The following STEAP1B variants were observed in gnomAD, a reference collection of about 807,000 sequenced individuals.
STEAP1B encodes the protein STEAP family member 1B.
STEAP1B carries 13 observed loss-of-function variants against 27.9 expected under a neutral mutation model. That is an observed-to-expected ratio of 0.47 (90% CI 0.30 to 0.74). STEAP1B has a LOEUF of 0.74. STEAP1B is among the 30% of genes least tolerant of loss of function. The probability of loss-of-function intolerance (pLI) is 0.06; values close to 1 mark genes in which losing one functional copy is unlikely to be tolerated. For synonymous variants in STEAP1B, 86 were observed against 107.1 expected, an observed-to-expected ratio of 0.80 and a Z score of 1.22; for missense variants, 250 against 298.7, an observed-to-expected ratio of 0.84 and a Z score of 1.20.
At chr7:22,437,128 T>G (rs568299131) in intron 4 of STEAP1B, among the ~76,000 whole-genome samples, 1 of 152,244 alleles carries the variant, frequency 6.6e-6, no homozygotes, top group Admixed American at 6.5e-5. Flanking sequence ...ACCCAGTATC[T>G]ATAAGGAACT....
intron 4 of STEAP1B, among the ~76,000 whole-genome samples, chr7:22,431,220 TCTC>T (rs1202772536): frequency 6.6e-6 from 1 of 152,140 alleles, no homozygotes; most frequent in Non-Finnish European, 1.5e-5. Context: ...AGATACAGCT[TCTC>T]CTCCTCTTCT....
intron 4 of STEAP1B, among the ~76,000 whole-genome samples, chr7:22,478,103 A>T (rs960102572): frequency 2.6e-5 from 4 of 152,000 alleles, no homozygotes; most frequent in African/African-American, 9.7e-5. Context: ...AGTTGCTAAG[A>T]CTCAGGCCCA....
chr7:22,478,914 G>A (rs920663601), intron 4 of STEAP1B, among the ~76,000 whole-genome samples: 15 of 152,126 alleles, frequency 9.9e-5, no homozygotes, highest in East Asian at 3.9e-4. Flanking sequence ...GAGGGGAACC[G>A]TGGAAGGAAG....
intron 4 of STEAP1B, among the ~76,000 whole-genome samples, chr7:22,473,485 T>G (rs1785920791): frequency 6.6e-6 from 1 of 152,230 alleles, no homozygotes; most frequent in African/African-American, 2.4e-5. Context: ...CCATCCAACC[T>G]TCTTATACAA....
intron 4 of STEAP1B, among the ~76,000 whole-genome samples, chr7:22,474,391 T>C (rs534319076): frequency 3.3e-4 from 51 of 152,282 alleles, no homozygotes; most frequent in African/African-American, 1.2e-3. Context: ...GGCCGGGACA[T>C]TCTAGTCTGC....
At chr7:22,449,838 T>C (rs2128404125) in intron 4 of STEAP1B, among the ~76,000 whole-genome samples, 1 of 152,358 alleles carries the variant, frequency 6.6e-6, no homozygotes. Context: ...ATAAGCCATT[T>C]TAACTGGGGT....
chr7:22,456,706 C>T (rs1189883391), intron 4 of STEAP1B, among the ~76,000 whole-genome samples: 24 of 151,658 alleles, frequency 1.6e-4, no homozygotes, highest in Admixed American at 1.6e-3. Context: ...ATTAGAACCC[C>T]CAGCCAATCC....
At chr7:22,499,882 C>A (rs1454876209) in intron 1 of STEAP1B, among the ~76,000 whole-genome samples, 1 of 152,262 alleles carries the variant, frequency 6.6e-6, no homozygotes, top group East Asian at 1.9e-4. Context: ...CTGGCTCCCC[C>A]CAGCCCCCGG....
intron 4 of STEAP1B, among the ~76,000 whole-genome samples, chr7:22,423,879 A>T (rs948416011): frequency 2.0e-5 from 3 of 152,134 alleles, no homozygotes; most frequent in Non-Finnish European, 4.4e-5. Flanking sequence ...AAATACAAAA[A>T]TTAGCTGGGT....
intron 4 of STEAP1B, among the ~76,000 whole-genome samples, chr7:22,478,699 T>C (rs999988970): frequency 6.6e-6 from 1 of 152,122 alleles, no homozygotes; most frequent in African/African-American, 2.4e-5. Flanking sequence ...TTGGACAGAG[T>C]CATCACTGCA....
At chr7:22,452,335 T>C (rs3114715) in intron 4 of STEAP1B, among the ~76,000 whole-genome samples, 150,353 of 152,256 alleles carry the variant, frequency 0.99, 74,276 homozygotes, top group East Asian at 1. Context: ...TTTGCTCATA[T>C]TTGTGTGAGA....
At chr7:22,464,965 G>T (rs369403589) in intron 4 of STEAP1B, among the ~76,000 whole-genome samples, 4 of 10,682 alleles carry the variant, frequency 3.7e-4, no homozygotes, top group East Asian at 0.012. Flanking sequence ...ATATATATAT[G>T]TAGGCACAAT....
rs554218431 is a variant in STEAP1B, at chr7:22,479,845, C to G, written c.762+12720G>C. Among the ~76,000 whole-genome samples, 199 of 152,120 alleles carry G rather than the reference C, an allele frequency of 1.3e-3. 5 individuals carry two copies. The East Asian group carries it at 0.033, about 25-fold the overall frequency. On this transcript the variant is annotated intron_variant, in intron 4 of 4. Coordinates refer to ENST00000678116, the MANE Select transcript of STEAP1B (RefSeq NM_001382447.1). ...GGTTACAGGCACACACCGGCGACGC[C>G]CAGCCGATTTCAGTATTTTTAGTAG...
At chr7:22,425,742 T>C (rs1299837551) in intron 4 of STEAP1B, among the ~76,000 whole-genome samples, 1 of 151,974 alleles carries the variant, frequency 6.6e-6, no homozygotes, top group Non-Finnish European at 1.5e-5. Context: ...ACTGCAGGAA[T>C]TGGAAGGAAA....
At chr7:22,450,223 T>G (rs181238731) in intron 4 of STEAP1B, among the ~76,000 whole-genome samples, 9 of 152,296 alleles carry the variant, frequency 5.9e-5, no homozygotes, top group Non-Finnish European at 4.4e-5. Flanking sequence ...CAAGTGCTTG[T>G]GGAGTATTAC....
Position 22,468,517 on chromosome 7 carries a change from A to G in STEAP1B, c.762+24048T>C, listed in dbSNP as rs1033354003. Among the ~76,000 whole-genome samples the G allele has an allele frequency of 4.6e-5, 7 of 152,330 alleles. No individual in the cohort carries two copies. In the East Asian group the frequency reaches 9.6e-4, roughly 21 times the overall value. On this transcript the variant is annotated intron_variant, in intron 4 of 4. Coordinates refer to ENST00000678116, the MANE Select transcript of STEAP1B (RefSeq NM_001382447.1). ...TTAAAAAGTTGAATATACACCTAAC[A>G]TAAGACACTGCCTACCATTTATCAC...
intron 4 of STEAP1B, among the ~76,000 whole-genome samples, chr7:22,479,926 T>G (rs1415322080): frequency 6.6e-6 from 1 of 152,120 alleles, no homozygotes; most frequent in African/African-American, 2.4e-5. Flanking sequence ...CCTCAGCTCT[T>G]TATATTATAA....
intron 4 of STEAP1B, among the ~76,000 whole-genome samples, chr7:22,467,195 A>C (rs1785800336): frequency 1.3e-5 from 2 of 152,208 alleles, no homozygotes; most frequent in South Asian, 4.1e-4. Context: ...ATAATGACCC[A>C]CTTTTAGTAG....
intron 4 of STEAP1B, among the ~76,000 whole-genome samples, chr7:22,437,866 G>T (rs1437359893): frequency 6.6e-6 from 1 of 152,122 alleles, no homozygotes; most frequent in Non-Finnish European, 1.5e-5. Flanking sequence ...CGTGATTATT[G>T]AGCATATTTT....
Sources: allele counts gnomAD v4.1 joint callset (sites outside exome capture counted in the v4.1 genomes callset), GRCh38; gene constraint gnomAD v4.1.1; transcripts MANE v1.5; gene names NCBI Gene and HGNC (gene_info 2026-07-23, HGNC 2026-07-21).